Variants in NLGN1 observed in about 807,000 individuals in gnomAD.
The protein encoded by NLGN1 is neuroligin 1, also known as neuroligin-1.
NLGN1 carries 12 observed loss-of-function variants against 65.5 expected under a neutral mutation model. That is an observed-to-expected ratio of 0.18 (90% CI 0.12 to 0.30). The LOEUF (loss-of-function observed/expected upper bound fraction) is 0.30, where lower values mean the gene tolerates loss of function less well. NLGN1 is among the 10% of genes least tolerant of loss of function. The pLI, the probability that NLGN1 is intolerant of heterozygous loss-of-function variation, is 1.00. For missense variants in NLGN1, 750 were observed against 1,007.1 expected (o/e 0.74, Z 3.46); for synonymous variants, 350 against 359.5 (o/e 0.97, Z 0.30).
chr3:174,194,228 G>A (rs1732936282), intron 4 of NLGN1, among the ~76,000 whole-genome samples: 1 of 152,068 alleles, frequency 6.6e-6, no homozygotes, highest in Admixed American at 6.5e-5. Flanking sequence ...GGAGGCTGAG[G>A]CAGACGGATA....
intron 4 of NLGN1, among the ~76,000 whole-genome samples, chr3:174,044,209 T>C (rs1170929772): frequency 3.3e-5 from 5 of 152,146 alleles, no homozygotes; most frequent in Admixed American, 2.6e-4. Flanking sequence ...TCTCTGGGCT[T>C]GTGATGCTAA....
At chr3:173,637,364 AG>A (rs1360990347) in intron 3 of NLGN1, among the ~76,000 whole-genome samples, 4 of 152,190 alleles carry the variant, frequency 2.6e-5, no homozygotes, top group African/African-American at 9.6e-5. Flanking sequence ...TAGTGGACAG[AG>A]TGGTCCATTC....
At chr3:173,479,178 AAAT>A (rs1726812549) in intron 2 of NLGN1, among the ~76,000 whole-genome samples, 1 of 152,174 alleles carries the variant, frequency 6.6e-6, no homozygotes. Flanking sequence ...GAAGACATAA[AAAT>A]AAGGGCTATG....
At chr3:173,438,372 G>A (rs1343815695) in intron 2 of NLGN1, among the ~76,000 whole-genome samples, 2 of 152,018 alleles carry the variant, frequency 1.3e-5, no homozygotes. Flanking sequence ...TATACATATC[G>A]TCTTTCCTAT....
rs183279759 is a variant in NLGN1 at position 173,652,476 on chromosome 3, T to A, written c.493+47385T>A. Among the ~76,000 whole-genome samples, 7 of 152,310 alleles carry A rather than the reference T, an allele frequency of 4.6e-5. No homozygotes were observed. In the East Asian group the frequency reaches 1.4e-3, roughly 29 times the overall value. On this transcript the variant is annotated intron_variant, in intron 3 of 6. Transcript: ENST00000457714. ...TGAGAGAGGGGTCCAGTTTCATTATTCTACATATGGCAATTCCCAGCACCA... is the reference window on the plus strand; with the variant it reads ...TGAGAGAGGGGTCCAGTTTCATTATACTACATATGGCAATTCCCAGCACCA...
At chr3:173,441,753 G>A (rs1719244255) in intron 2 of NLGN1, among the ~76,000 whole-genome samples, 1 of 152,128 alleles carries the variant, frequency 6.6e-6, no homozygotes, top group Non-Finnish European at 1.5e-5. Flanking sequence ...CACACAAAGT[G>A]AGCACATGCT....
chr3:173,493,865 T>C (rs978438900), intron 2 of NLGN1, among the ~76,000 whole-genome samples: 1 of 151,738 alleles, frequency 6.6e-6, no homozygotes, highest in Non-Finnish European at 1.5e-5. Context: ...TCTTCAGAAT[T>C]TTTACCCTTA....
At chr3:173,956,937 TCA>T (rs941098733) in intron 4 of NLGN1, among the ~76,000 whole-genome samples, 3 of 152,116 alleles carry the variant, frequency 2.0e-5, no homozygotes, top group South Asian at 2.1e-4. Flanking sequence ...TTCAGAGAAC[TCA>T]CAGTTTCCAA....
intron 3 of NLGN1, among the ~76,000 whole-genome samples, chr3:173,768,979 A>T (rs1779180745): frequency 6.6e-6 from 1 of 152,074 alleles, no homozygotes; most frequent in Non-Finnish European, 1.5e-5. Flanking sequence ...CATGTTGCCC[A>T]GGCTGGTGTT....
At chr3:173,778,164 A>T (rs1780595927) in intron 3 of NLGN1, among the ~76,000 whole-genome samples, 1 of 151,858 alleles carries the variant, frequency 6.6e-6, no homozygotes, top group Admixed American at 6.6e-5. Context: ...TGTTTTTTTA[A>T]AAAAAACCTG....
intron 4 of NLGN1, among the ~76,000 whole-genome samples, chr3:174,199,835 C>G (rs570461706): frequency 6.6e-6 from 1 of 152,246 alleles, no homozygotes; most frequent in East Asian, 1.9e-4. Context: ...AAAAGACACC[C>G]AATGGATGTG....
chr3:174,260,972 T>G (rs1746776335), intron 4 of NLGN1, among the ~76,000 whole-genome samples: 1 of 151,622 alleles, frequency 6.6e-6, no homozygotes, highest in African/African-American at 2.4e-5. Flanking sequence ...TTTTCTCAGG[T>G]TTGTCAAAGA....
chr3:173,652,784 G>T (rs1759412259), intron 3 of NLGN1, among the ~76,000 whole-genome samples: 1 of 152,130 alleles, frequency 6.6e-6, no homozygotes, highest in Admixed American at 6.6e-5. Context: ...TTTGAAACAT[G>T]ACATTGATAT....
chr3:174,131,859 T>C (rs1720261552), intron 4 of NLGN1, among the ~76,000 whole-genome samples: 1 of 152,212 alleles, frequency 6.6e-6, no homozygotes, highest in South Asian at 2.1e-4. Context: ...TTCACTGCTC[T>C]TTCTTAAATG....
chr3:174,039,651 C>T (rs988216797), intron 4 of NLGN1, among the ~76,000 whole-genome samples: 1 of 151,910 alleles, frequency 6.6e-6, no homozygotes, highest in Non-Finnish European at 1.5e-5. Context: ...TATTGGAGCT[C>T]GCTTATTGCA....
In NLGN1 at chr3:174,273,810, T is replaced by G. The variant is rs147874893; in HGVS notation, c.647-1505T>G. Reference sequence around the variant, plus strand: ...GGAAAAGAATAACTAAGCACTTTCATTTCTTCAAATTTTTCAAAATTATTC... The same window carrying G: ...GGAAAAGAATAACTAAGCACTTTCAGTTCTTCAAATTTTTCAAAATTATTC... On this transcript the variant is annotated intron_variant, in intron 4 of 6. Coordinates refer to ENST00000457714, the Ensembl canonical transcript of NLGN1. Among the ~76,000 whole-genome samples the G allele has an allele frequency of 4.1e-3, 625 of 151,846 alleles. 9 individuals are homozygous for G. The highest frequency in any genetic ancestry group is 0.014 in the African/African-American group (582 of 41,524).
In NLGN1 at chr3:173,488,557, T is replaced by C. The variant is rs557164508; in HGVS notation, c.-321+53479T>C. The stretch of plus-strand genomic sequence containing the variant: ...ATTATGGTTTAGTTGAGTATAAACT[T>C]TTAGGGTAACCACTAGTTTTCCTGG... On this transcript the variant is annotated intron_variant, in intron 2 of 6. Coordinates refer to ENST00000457714, the Ensembl canonical transcript of NLGN1. 5.9e-5 allele frequency among the ~76,000 whole-genome samples: 9 copies of C among 152,196 alleles called. No individual in the cohort carries two copies. In the East Asian group the frequency reaches 1.7e-3, roughly 29 times the overall value.
chr3:173,801,300 G>C (rs982444484), intron 3 of NLGN1, among the ~76,000 whole-genome samples: 4 of 151,818 alleles, frequency 2.6e-5, no homozygotes, highest in African/African-American at 9.7e-5. Flanking sequence ...ATCTTTTTTG[G>C]TTCCAATCAG....
In NLGN1 at chr3:174,213,831, C is replaced by G. The variant is rs1030899438; in HGVS notation, c.647-61484C>G. 3.3e-5 allele frequency among the ~76,000 whole-genome samples: 5 copies of G among 152,056 alleles called. No individual in the cohort carries two copies. The East Asian group carries it at 7.7e-4, about 23-fold the overall frequency. On this transcript the variant is annotated intron_variant, in intron 4 of 6. Transcript: ENST00000457714. ...TAACGTTATAATTTACTTTTGAAAA[C>G]TATTACATTTTTAGGTGATGATTTA...
Sources: gnomAD v4.1 joint callset for allele counts (sites outside exome capture counted in the v4.1 genomes callset) on GRCh38, gnomAD v4.1.1 for gene constraint, MANE v1.5 for transcripts, NCBI Gene and HGNC (gene_info 2026-07-23, HGNC 2026-07-21) for gene names.